TTC21B: variants seen among roughly 807,000 people sequenced by gnomAD.
TTC21B encodes tetratricopeptide repeat domain 21B, also known as tetratricopeptide repeat protein 21B.
In TTC21B, 127 loss-of-function variants were observed where a neutral mutation model predicts 175.1. The ratio of observed to expected loss-of-function variants is 0.73; its 90% CI spans 0.63 to 0.84. The LOEUF (loss-of-function observed/expected upper bound fraction) is 0.84. Ranked by LOEUF, TTC21B falls within the 40% of genes least tolerant of loss-of-function variation. The pLI, the probability that TTC21B is intolerant of heterozygous loss-of-function variation, is 0.00. For synonymous variants in TTC21B, 524 were observed against 524.5 expected (o/e 1.00, Z 0.01); for missense variants, 1,561 against 1,558.3 (o/e 1.00, Z -0.03).
chr2:165,943,391 A>C (rs767563983), intron 4 of TTC21B, 50 bp from the exon 5 acceptor site: 1 of 1,404,188 alleles, frequency 7.1e-7, no homozygotes, highest in South Asian at 1.2e-5. Flanking sequence ...GAGAGAAATA[A>C]ATGTTAATGA....
chr2:165,877,955 C>T (rs1684722130), intron 27 of TTC21B, among the ~76,000 whole-genome samples: 1 of 152,126 alleles, frequency 6.6e-6, no homozygotes, highest in Non-Finnish European at 1.5e-5. Context: ...AACATACTTA[C>T]ATGGGAACTA....
Position 165,890,607 on chromosome 2 carries a change from A to G in TTC21B, c.3135T>C (p.His1045=), listed in dbSNP as rs370063297. ...CACGATCTTTCCGAGCTTTATTAAAATGTCGAAGGGCATCATTTGGTTCTC... is the reference window on the plus strand; with the variant it reads ...CACGATCTTTCCGAGCTTTATTAAAGTGTCGAAGGGCATCATTTGGTTCTC... The part of the protein sequence containing the change: ...YTGEPNDALR[H]FNKARKDRDW... The change falls in exon 24 of 29, where the codon CAT becomes CAC. Residue 1045 remains histidine (H), a synonymous_variant. Transcript: ENST00000243344. The G allele has an allele frequency of 4.3e-6, 7 of 1,613,726 alleles. No individual in the cohort carries two copies. Among genetic ancestry groups the G allele is most frequent in the African/African-American group, 1.3e-5 (1 of 74,918 alleles).
Position 165,951,505 on chromosome 2 carries a change from C to T in TTC21B, c.22-1781G>A, listed in dbSNP as rs538050808. Among the ~76,000 whole-genome samples the T allele has an allele frequency of 9.2e-5, 14 of 152,280 alleles. No homozygotes were observed. In the South Asian group the frequency reaches 1.5e-3, roughly 16 times the overall value. On this transcript the variant is annotated intron_variant, in intron 1 of 28. Coordinates refer to ENST00000243344, the MANE Select transcript of TTC21B (RefSeq NM_024753.5). ...TTGTCTATGTTCCAGATTCATATTT[C>T]CATTTTCCACCTGCTACCCTGCTAC...
intron 19 of TTC21B, among the ~76,000 whole-genome samples, chr2:165,906,796 A>G (rs144330627): frequency 2.0e-3 from 301 of 151,994 alleles, no homozygotes; most frequent in African/African-American, 7.2e-3. Context: ...AAATACTAAA[A>G]ATACAAAAAT....
intron 26 of TTC21B, 111 bp from the exon 27 acceptor site, chr2:165,880,910 A>T: frequency 8.2e-7 from 1 of 1,214,864 alleles, no homozygotes; most frequent in South Asian, 1.3e-5. Flanking sequence ...TGACAAATCA[A>T]ACAATGGTTT....
chr2:165,915,204 A>G lies in TTC21B; in HGVS notation c.2135T>C (p.Phe712Ser), dbSNP rs1417670473. The G allele has an allele frequency of 9.9e-6, 16 of 1,610,618 alleles. No individual in the cohort carries two copies. Among genetic ancestry groups the G allele is most frequent in the Non-Finnish European group, 1.4e-5 (16 of 1,176,844 alleles). The change falls in exon 15 of 29, where the codon TTT becomes TCT. Residue 712 changes from phenylalanine to serine, a missense_variant. Coordinates refer to ENST00000243344, the MANE Select transcript of TTC21B (RefSeq NM_024753.5). ...RKDKMLYITC[F>S]REIAERMANP... ...ATGGGTTAAGACAATTACTTACCTA[A>G]AACAAGTGATATATAACATTTTATC... is the stretch of plus-strand genomic sequence containing the variant.
intron 8 of TTC21B, among the ~76,000 whole-genome samples, chr2:165,930,732 G>GGGGTGTGTGTGTGTGTGTGTGTGTGTGT (rs376602791): frequency 1.8e-5 from 2 of 110,828 alleles, no homozygotes. Flanking sequence ...TGGGTATGGG[G>GGGGTGTGTGTGTGTGTGTGTGTGTGTGT]GTGTGTGTGT....
rs544533061 is a variant in TTC21B, at chr2:165,882,680, T to C, written c.3684+1114A>G. 3.9e-5 allele frequency among the ~76,000 whole-genome samples: 6 copies of C among 152,306 alleles called. No homozygotes were observed. The South Asian group carries it at 1.2e-3, about 32-fold the overall frequency. On this transcript the variant is annotated intron_variant, in intron 26 of 28. Transcript: ENST00000243344. ...TTCAAGTTTCCTAAGCTTTAGTTCT[T>C]AAATATCATGCTTTCAATATCAACA...
intron 28 of TTC21B, 90 bp downstream of exon 28, chr2:165,876,075 T>A (rs1391796723): frequency 1.3e-6 from 1 of 780,832 alleles, no homozygotes; most frequent in East Asian, 2.5e-5. Context: ...TAATGTATCC[T>A]CTATTTCTAT....
chr2:165,881,332 TAGCAC>T (rs1254593275), intron 26 of TTC21B, among the ~76,000 whole-genome samples: 1 of 152,142 alleles, frequency 6.6e-6, no homozygotes, highest in African/African-American at 2.4e-5. Context: ...GACTCCTTAA[TAGCAC>T]CAAATATCCA....
intron 13 of TTC21B, among the ~76,000 whole-genome samples, chr2:165,917,711 A>G (rs186112368): frequency 5.7e-4 from 87 of 152,304 alleles, no homozygotes; most frequent in Non-Finnish European, 4.7e-4. Context: ...GGTTGATTAC[A>G]TATTTCTACT....
intron 12 of TTC21B, among the ~76,000 whole-genome samples, chr2:165,924,074 T>C (rs572686022): frequency 1.2e-3 from 176 of 152,258 alleles, no homozygotes; most frequent in African/African-American, 4.0e-3. Flanking sequence ...TTTTTATGTG[T>C]AAAGTCAGGC....
At chr2:165,877,720 T>C (rs571031656) in intron 27 of TTC21B, among the ~76,000 whole-genome samples, 1 of 152,280 alleles carries the variant, frequency 6.6e-6, no homozygotes, top group Admixed American at 6.5e-5. Flanking sequence ...TGTGTGTATA[T>C]ATATGTATGT....
At chr2:165,892,433 C>A (rs1020846847) in intron 22 of TTC21B, among the ~76,000 whole-genome samples, 14 of 152,058 alleles carry the variant, frequency 9.2e-5, no homozygotes, top group African/African-American at 3.1e-4. Context: ...GCAACCTTCA[C>A]AATACACAGA....
At chr2:165,923,217 G>C (rs1686483845) in intron 12 of TTC21B, among the ~76,000 whole-genome samples, 1 of 151,554 alleles carries the variant, frequency 6.6e-6, no homozygotes, top group South Asian at 2.1e-4. Context: ...AAAACTATTT[G>C]TACCCAATAC....
intron 6 of TTC21B, chr2:165,933,931 T>C (rs972034224): frequency 6.6e-6 from 1 of 152,130 alleles, no homozygotes; most frequent in African/African-American, 2.4e-5. Context: ...CTGCTACTTG[T>C]TGTGAGTCTG....
At chr2:165,883,654 C>G in intron 26 of TTC21B, 140 bp downstream of exon 26, 1 of 703,428 alleles carries the variant, frequency 1.4e-6, no homozygotes, top group Non-Finnish European at 2.4e-6. Flanking sequence ...ATGCTTGTTT[C>G]CTGATTGTGG....
chr2:165,874,894 C>A, intron 28 of TTC21B, 62 bp from the exon 29 acceptor site: 1 of 1,429,698 alleles, frequency 7.0e-7, no homozygotes, highest in Non-Finnish European at 9.9e-7. Flanking sequence ...TACGGAGTTA[C>A]AAAACTTATA....
chr2:165,874,650 C>A lies in TTC21B; in HGVS notation c.*105G>T. 1.0e-6 allele frequency: 1 copy of A among 1,004,552 alleles called. No homozygotes were observed. The highest frequency in any genetic ancestry group is 1.6e-6 in the Non-Finnish European group (1 of 640,732). The allele number at this position is 1,004,552 out of a possible 1,614,324, so 62.2% of individuals were successfully genotyped here. ...CCTCTGCTGGAGAAAAAAGGGTATA[C>A]TTCTAATAACAAAGCACTGAGCTCA... On this transcript the variant is annotated 3_prime_UTR_variant, in exon 29 of 29. Coordinates refer to ENST00000243344, the MANE Select transcript of TTC21B (RefSeq NM_024753.5).
Sources: gnomAD v4.1 joint callset for allele counts (sites outside exome capture counted in the v4.1 genomes callset) on GRCh38, gnomAD v4.1.1 for gene constraint, MANE v1.5 for transcripts, NCBI Gene and HGNC (gene_info 2026-07-23, HGNC 2026-07-21) for gene names.